Variants in FREM2 observed in about 807,000 individuals in gnomAD.
The protein encoded by FREM2 is FRAS1 related extracellular matrix 2, also known as FRAS1-related extracellular matrix protein 2.
FREM2 carries 119 observed loss-of-function variants against 219.9 expected under a neutral mutation model. The ratio of observed to expected loss-of-function variants is 0.54; its 90% CI spans 0.47 to 0.63. The LOEUF is 0.63. Among genes scored for constraint, FREM2 ranks in the 30% least tolerant of loss-of-function variants. The pLI is 0.00. For missense variants in FREM2, 4,030 were observed against 3,993.6 expected, an observed-to-expected ratio of 1.01 and a Z score of -0.25; for synonymous variants, 1,562 against 1,522.8, an observed-to-expected ratio of 1.03 and a Z score of -0.60.
intron 16 of FREM2, among the ~76,000 whole-genome samples, chr13:38,869,207 C>T (rs1878074523): frequency 6.6e-6 from 1 of 152,082 alleles, no homozygotes; most frequent in Non-Finnish European, 1.5e-5. Context: ...TTGCCAAGTC[C>T]CTGCATTTTT....
At chr13:38,762,565 G>A (rs1873271621) in intron 2 of FREM2, among the ~76,000 whole-genome samples, 2 of 151,648 alleles carry the variant, frequency 1.3e-5, no homozygotes, top group African/African-American at 4.8e-5. Flanking sequence ...TCAGCCTCCC[G>A]AGTAGCTGGG....
At chr13:38,761,573 A>G (rs1873226193) in intron 2 of FREM2, among the ~76,000 whole-genome samples, 1 of 152,236 alleles carries the variant, frequency 6.6e-6, no homozygotes, top group African/African-American at 2.4e-5. Flanking sequence ...GATGTAAATT[A>G]GTACAATTTA....
chr13:38,718,790 G>A (rs1871109860), intron 2 of FREM2, among the ~76,000 whole-genome samples: 1 of 152,174 alleles, frequency 6.6e-6, no homozygotes, highest in Admixed American at 6.6e-5. Flanking sequence ...TGGTAGGTGG[G>A]CCAGCAAACA....
chr13:38,850,072 T>A lies in FREM2; in HGVS notation c.6414T>A (p.Thr2138=). 1 of 1,614,018 alleles carries A rather than the reference T, an allele frequency of 6.2e-7. No homozygotes were observed. The highest frequency in any genetic ancestry group is 2.2e-5 in the East Asian group (1 of 44,858). Reference sequence around the variant, plus strand: ...TGCAATTCAAAGAACGAATATATACTGGCAGCGAAAGTGATGGGCAGATAG... The same window carrying A: ...TGCAATTCAAAGAACGAATATATACAGGCAGCGAAAGTGATGGGCAGATAG... The part of the protein sequence containing the change: ...PKMQFKERIY[T]GSESDGQIVT... The change falls in exon 9 of 24, where the codon ACT becomes ACA. Residue 2138 remains threonine, a synonymous_variant. Coordinates refer to ENST00000280481, the MANE Select transcript of FREM2 (RefSeq NM_207361.6).
chr13:38,834,353 C>A (rs1167699883), intron 6 of FREM2, among the ~76,000 whole-genome samples: 2 of 152,078 alleles, frequency 1.3e-5, no homozygotes, highest in African/African-American at 4.8e-5. Flanking sequence ...TGAACTCATC[C>A]TTTTTATGGC....
At chr13:38,860,276 G>C (rs751545486) in intron 14 of FREM2, among the ~76,000 whole-genome samples, 1 of 152,088 alleles carries the variant, frequency 6.6e-6, no homozygotes, top group Non-Finnish European at 1.5e-5. Flanking sequence ...TTACAAGAGA[G>C]ACTGTATTTA....
At chr13:38,723,633 T>A (rs574007622) in intron 2 of FREM2, among the ~76,000 whole-genome samples, 1 of 152,368 alleles carries the variant, frequency 6.6e-6, no homozygotes, top group South Asian at 2.1e-4. Context: ...GTTCTTTCTA[T>A]ATCTATTCCT....
chr13:38,741,117 A>T (rs1872224303), intron 2 of FREM2, among the ~76,000 whole-genome samples: 1 of 152,210 alleles, frequency 6.6e-6, no homozygotes, highest in African/African-American at 2.4e-5. Context: ...CAAAGAATAA[A>T]TATCTCACAT....
At chr13:38,728,109 A>T (rs939566345) in intron 2 of FREM2, among the ~76,000 whole-genome samples, 1 of 152,196 alleles carries the variant, frequency 6.6e-6, no homozygotes, top group African/African-American at 2.4e-5. Flanking sequence ...TACATTAAGC[A>T]CTAGAGTCCT....
chr13:38,724,485 A>T (rs78093399), intron 2 of FREM2, among the ~76,000 whole-genome samples: 7,782 of 152,254 alleles, frequency 0.051, 638 homozygotes, highest in African/African-American at 0.17. Flanking sequence ...TTTGTAAGAT[A>T]TTATTTACAG....
At chr13:38,756,524 CTTTTTTTTT>C (rs1187227144) in intron 2 of FREM2, among the ~76,000 whole-genome samples, 1 of 103,522 alleles carries the variant, frequency 9.7e-6, no homozygotes, top group South Asian at 3.3e-4. Context: ...GGTTGGGGAC[CTTTTTTTTT>C]TTTTTTTTTT....
At chr13:38,693,778 G>A (rs561690200) in intron 1 of FREM2, among the ~76,000 whole-genome samples, 1 of 152,326 alleles carries the variant, frequency 6.6e-6, no homozygotes, top group East Asian at 1.9e-4. Flanking sequence ...CTACTTCTCT[G>A]TTTGAGGTGC....
At chr13:38,838,105 T>C (rs1876793180) in intron 6 of FREM2, among the ~76,000 whole-genome samples, 1 of 152,228 alleles carries the variant, frequency 6.6e-6, no homozygotes. Flanking sequence ...TACTGGTTTT[T>C]CCTTTCCATA....
At chr13:38,772,281 G>A (rs1328200402) in intron 4 of FREM2, among the ~76,000 whole-genome samples, 1 of 152,190 alleles carries the variant, frequency 6.6e-6, no homozygotes, top group African/African-American at 2.4e-5. Flanking sequence ...AATCTCTGCT[G>A]TCAAAGACCA....
chr13:38,706,908 G>A (rs1200228733), intron 2 of FREM2, among the ~76,000 whole-genome samples: 1 of 152,146 alleles, frequency 6.6e-6, no homozygotes. Context: ...TTGTGACACA[G>A]TGATGAATGC....
chr13:38,880,752 C>G lies in FREM2; in HGVS notation c.9475C>G (p.Pro3159Ala). 6.2e-7 allele frequency: 1 copy of G among 1,614,150 alleles called. No individual in the cohort carries two copies. The highest frequency in any genetic ancestry group is 2.2e-5 in the East Asian group (1 of 44,876). Residue 3159 changes from proline (P) to alanine (A), a missense_variant, in exon 24 of 24, where the codon CCA becomes GCA. This residue lies in a region of FREM2 where 928 missense variants were observed against 1,042.9 expected (regional missense o/e 0.89). Transcript: ENST00000280481. ...CAGCAGCAGTGAGCCCATGGTGCCCCCACAGAGCCATCACAATGACAGCTC... is the reference window on the plus strand; with the variant it reads ...CAGCAGCAGTGAGCCCATGGTGCCCGCACAGAGCCATCACAATGACAGCTC... ...GSSSSEPMVPPQSHHNDSSEV is the reference protein window; with the variant it reads ...GSSSSEPMVPAQSHHNDSSEV
chr13:38,691,690 T>G lies in FREM2; in HGVS notation c.4346T>G (p.Leu1449Trp), dbSNP rs1369164865. 1 of 1,614,068 alleles carries G rather than the reference T, an allele frequency of 6.2e-7. No homozygotes were observed. The highest frequency in any genetic ancestry group is 8.5e-7 in the Non-Finnish European group (1 of 1,179,940). ...ACAGACCTACTAAGCACTAGTGACTTGAACAGTCCTGATGAAAACTTGGTT... is the reference window on the plus strand; with the variant it reads ...ACAGACCTACTAAGCACTAGTGACTGGAACAGTCCTGATGAAAACTTGGTT... ...LTTDLLSTSD[L>W]NSPDENLVFT... The change falls in exon 1 of 24, where the codon TTG becomes TGG. Residue 1449 changes from leucine to tryptophan, a missense_variant. By Grantham distance (61) the Leu-to-Trp change is moderately conservative. Coordinates refer to ENST00000280481, the MANE Select transcript of FREM2 (RefSeq NM_207361.6).
intron 2 of FREM2, among the ~76,000 whole-genome samples, chr13:38,735,592 TA>T (rs113734480): frequency 0.014 from 2,060 of 152,012 alleles, 55 homozygotes; most frequent in African/African-American, 0.047. Flanking sequence ...AGCAAGCGCT[TA>T]AAAAAAATGC....
chr13:38,846,864 G>A (rs922611038), intron 7 of FREM2, 142 bp downstream of exon 7: 56 of 910,200 alleles, frequency 6.2e-5, no homozygotes, highest in Non-Finnish European at 9.1e-5. Flanking sequence ...ATTACTCTAG[G>A]AGGTAAATCT....
Sources: allele counts gnomAD v4.1 joint callset (sites outside exome capture counted in the v4.1 genomes callset), GRCh38; gene constraint gnomAD v4.1.1; regional missense constraint gnomAD v4.1.1; transcripts MANE v1.5; gene names NCBI Gene and HGNC (gene_info 2026-07-23, HGNC 2026-07-21).